DLGAP2: variants seen among roughly 807,000 people sequenced by gnomAD.
DLGAP2 encodes the protein disks large-associated protein 2.
DLGAP2 carries 26 observed loss-of-function variants against 100.3 expected under a neutral mutation model. That is an observed-to-expected ratio of 0.26 (90% CI 0.19 to 0.36). DLGAP2 has a LOEUF of 0.36. Ranked by LOEUF, DLGAP2 falls within the 10% of genes least tolerant of loss-of-function variation. The probability of loss-of-function intolerance (pLI) is 1.00; values close to 1 mark genes in which losing one functional copy is unlikely to be tolerated. For synonymous variants in DLGAP2, 886 were observed against 630.1 expected (o/e 1.41, Z -6.08); for missense variants, 1,858 against 1,453.2 (o/e 1.28, Z -4.53).
intron 3 of DLGAP2, among the ~76,000 whole-genome samples, chr8:1,320,647 G>A (rs1563081413): frequency 6.6e-6 from 1 of 152,170 alleles, no homozygotes. Flanking sequence ...AATTGCAGGT[G>A]TCCCCAAGCA....
intron 2 of DLGAP2, among the ~76,000 whole-genome samples, chr8:972,970 G>T (rs1307525589): frequency 6.6e-6 from 1 of 152,214 alleles, no homozygotes; most frequent in Non-Finnish European, 1.5e-5. Flanking sequence ...CAAGGCAGAA[G>T]AATTTTTCTT....
chr8:1,226,335 C>T (rs1281938983), intron 2 of DLGAP2, among the ~76,000 whole-genome samples: 2 of 152,100 alleles, frequency 1.3e-5, no homozygotes, highest in Non-Finnish European at 2.9e-5. Context: ...ATAGATGAAG[C>T]TGGAAGCCAT....
chr8:1,261,573 T>C (rs1193096548), intron 3 of DLGAP2, among the ~76,000 whole-genome samples: 1 of 16,228 alleles, frequency 6.2e-5, no homozygotes, highest in African/African-American at 2.9e-4. Flanking sequence ...GAGGGGGGGC[T>C]GGGCAGTGGG....
At chr8:1,261,673 C>T (rs2116910979) in intron 3 of DLGAP2, among the ~76,000 whole-genome samples, 2 of 152,314 alleles carry the variant, frequency 1.3e-5, no homozygotes, top group South Asian at 4.1e-4. Flanking sequence ...AGTGCAGTTG[C>T]TCCAGATCAG....
chr8:1,031,992 C>G (rs893353538), intron 2 of DLGAP2, among the ~76,000 whole-genome samples: 4 of 152,184 alleles, frequency 2.6e-5, no homozygotes, highest in Admixed American at 6.5e-5. Context: ...GGGTGTTTCC[C>G]GGGCCCTTGT....
chr8:1,283,473 A>T (rs1585221418), intron 3 of DLGAP2, among the ~76,000 whole-genome samples: 1 of 152,252 alleles, frequency 6.6e-6, no homozygotes, highest in African/African-American at 2.4e-5. Flanking sequence ...CTACAAATGT[A>T]TCATCCTTTG....
intron 14 of DLGAP2, among the ~76,000 whole-genome samples, chr8:1,700,345 C>T (rs1394521267): frequency 3.2e-4 from 48 of 152,174 alleles, no homozygotes; most frequent in Non-Finnish European, 1.3e-4. Flanking sequence ...CAGCTGGCTA[C>T]GGAGAGTCCC....
intron 2 of DLGAP2, among the ~76,000 whole-genome samples, chr8:975,004 T>TGAAGAAAAAA (rs1456953408): frequency 2.6e-5 from 4 of 151,828 alleles, no homozygotes; most frequent in Non-Finnish European, 5.9e-5. Flanking sequence ...ACCAGGCTAA[T>TGAAGAAAAAA]GAAGAAAAAA....
At chr8:787,874 T>C (rs1394533157) in intron 1 of DLGAP2, among the ~76,000 whole-genome samples, 3 of 152,094 alleles carry the variant, frequency 2.0e-5, no homozygotes, top group Non-Finnish European at 4.4e-5. Flanking sequence ...GGATGAGGGG[T>C]GACGAGAGGC....
At chr8:1,201,890 G>A (rs1482876148) in intron 2 of DLGAP2, among the ~76,000 whole-genome samples, 1 of 152,104 alleles carries the variant, frequency 6.6e-6, no homozygotes, top group Non-Finnish European at 1.5e-5. Context: ...TAAGCATGTG[G>A]TGTGTATGTA....
intron 3 of DLGAP2, among the ~76,000 whole-genome samples, chr8:1,424,026 C>G (rs1797174017): frequency 6.6e-6 from 1 of 152,210 alleles, no homozygotes; most frequent in East Asian, 1.9e-4. Flanking sequence ...AAGCTCGTAT[C>G]AGGCAGCCAG....
chr8:1,491,206 C>A (rs2130282907), intron 3 of DLGAP2, among the ~76,000 whole-genome samples: 1 of 151,596 alleles, frequency 6.6e-6, no homozygotes, highest in South Asian at 2.1e-4. Flanking sequence ...AAATATGTGA[C>A]AAAAATGCTC....
chr8:1,614,723 C>A (rs1478935867), intron 6 of DLGAP2, among the ~76,000 whole-genome samples: 1 of 152,226 alleles, frequency 6.6e-6, no homozygotes, highest in Admixed American at 6.5e-5. Context: ...ACCCTGGCGA[C>A]ACGATTTTTT....
At chr8:1,426,446 C>G (rs1797238677) in intron 3 of DLGAP2, among the ~76,000 whole-genome samples, 1 of 152,096 alleles carries the variant, frequency 6.6e-6, no homozygotes, top group African/African-American at 2.4e-5. Context: ...GATGTAGAGA[C>G]TCCAACAAGT....
chr8:955,800 CT>C (rs1354854128), intron 2 of DLGAP2, among the ~76,000 whole-genome samples: 6 of 152,126 alleles, frequency 3.9e-5, no homozygotes, highest in Admixed American at 3.9e-4. Context: ...AATATCTTAC[CT>C]TGTTGAACAA....
intron 3 of DLGAP2, among the ~76,000 whole-genome samples, chr8:1,430,010 A>ATG (rs1797370427): frequency 1.5e-5 from 1 of 68,654 alleles, no homozygotes; most frequent in African/African-American, 7.5e-5. Flanking sequence ...ATATATACAT[A>ATG]TATATATATA....
rs149777721 is a variant in DLGAP2, at chr8:1,367,927, C to A, written c.106+109044C>A. 5.1e-4 allele frequency among the ~76,000 whole-genome samples: 78 copies of A among 152,286 alleles called. 1 individual carries two copies. The highest frequency in any genetic ancestry group is 4.8e-3 in the East Asian group (25 of 5,182). Reference sequence around the variant, plus strand: ...GATACCCGAACAAGCTCAGTTGTTCCGGATGATCTTTAGTGCCTGGCATGG... The same window carrying A: ...GATACCCGAACAAGCTCAGTTGTTCAGGATGATCTTTAGTGCCTGGCATGG... On this transcript the variant is annotated intron_variant, in intron 3 of 14. Transcript: ENST00000637795.
At chr8:1,476,003 A>C (rs1001486464) in intron 3 of DLGAP2, among the ~76,000 whole-genome samples, 4 of 152,330 alleles carry the variant, frequency 2.6e-5, no homozygotes, top group African/African-American at 7.2e-5. Flanking sequence ...AGAGCTGGCC[A>C]ACACTCCTTT....
chr8:1,389,142 C>A (rs1229852172), intron 3 of DLGAP2, among the ~76,000 whole-genome samples: 1 of 152,126 alleles, frequency 6.6e-6, no homozygotes, highest in Non-Finnish European at 1.5e-5. Flanking sequence ...TCTGGTCCCA[C>A]AGACTAAGGG....
Sources: allele counts gnomAD v4.1 joint callset (sites outside exome capture counted in the v4.1 genomes callset), GRCh38; gene constraint gnomAD v4.1.1; transcripts MANE v1.5; gene names NCBI Gene and HGNC (gene_info 2026-07-23, HGNC 2026-07-21).